The following DMD variants were observed in gnomAD, a reference collection of about 807,000 sequenced individuals.
DMD encodes the protein dystrophin.
DMD carries 63 observed loss-of-function variants against 330.1 expected under a neutral mutation model. That is an observed-to-expected ratio of 0.19 (90% confidence interval 0.16 to 0.24). The LOEUF is 0.24. Among genes scored for constraint, DMD ranks in the 10% least tolerant of loss-of-function variants. The pLI is 1.00. For synonymous variants in DMD, 1,223 were observed against 959.8 expected (o/e 1.27, Z -5.07); for missense variants, 3,344 against 2,684.1 (o/e 1.25, Z -5.43).
chrX:32,431,645 T>C (rs1015880367), intron 29 of DMD, among the ~76,000 whole-genome samples: 9 of 111,786 alleles, frequency 8.1e-5, no homozygotes, highest in African/African-American at 2.9e-4. Flanking sequence ...ATATGATATA[T>C]TCATTTTCTA....
chrX:32,870,958 CAAAAAAAAAAA>C (rs745583714), intron 2 of DMD, among the ~76,000 whole-genome samples: 2 of 14,768 alleles, frequency 1.4e-4, no homozygotes, highest in African/African-American at 2.5e-4. Context: ...TTCTGTACAG[CAAAAAAAAAAA>C]AAAAAAAAAA....
chrX:31,836,259 C>T (rs2093194879), intron 49 of DMD, among the ~76,000 whole-genome samples: 1 of 112,040 alleles, frequency 8.9e-6, no homozygotes, highest in African/African-American at 3.2e-5. Flanking sequence ...AGCCTCAATG[C>T]CGATTTTACT....
intron 16 of DMD, among the ~76,000 whole-genome samples, chrX:32,559,962 A>G (rs1330956697): frequency 3.6e-5 from 4 of 111,348 alleles, no homozygotes; most frequent in Admixed American, 9.6e-5. Flanking sequence ...ATGAACTGCC[A>G]TGTACAAGAA....
intron 42 of DMD, among the ~76,000 whole-genome samples, chrX:32,305,045 T>C (rs2097535491): frequency 9.0e-6 from 1 of 111,666 alleles, no homozygotes; most frequent in African/African-American, 3.2e-5. Flanking sequence ...AATATGCATA[T>C]AAACAATGTA....
chrX:31,859,337 A>AT (rs1490317918), intron 48 of DMD, among the ~76,000 whole-genome samples: 2 of 111,944 alleles, frequency 1.8e-5, no homozygotes, highest in Admixed American at 9.5e-5. Context: ...TGAGATGATA[A>AT]TTTTTTCTCA....
intron 1 of DMD, among the ~76,000 whole-genome samples, chrX:33,243,261 G>A (rs2052616096): frequency 8.9e-6 from 1 of 111,822 alleles, no homozygotes. Flanking sequence ...CAGATAGATT[G>A]CTATGGGAAT....
intron 2 of DMD, among the ~76,000 whole-genome samples, chrX:32,931,398 T>C (rs1473966219): frequency 9.0e-6 from 1 of 111,605 alleles, no homozygotes; most frequent in Non-Finnish European, 1.9e-5. Context: ...GCATAAGTAA[T>C]GTATGCCCAT....
At chrX:31,121,951 AAGAC>A (rs781341977) in intron 78 of DMD, 21 bp from the exon 79 acceptor site, 7 of 1,115,314 alleles carry the variant, frequency 6.3e-6, no homozygotes, top group Admixed American at 2.2e-5. Context: ...AAGAGAAAGA[AAGAC>A]AGACTTTACA....
chrX:31,870,399 G>T (rs771896818), intron 48 of DMD, among the ~76,000 whole-genome samples: 314 of 111,746 alleles, frequency 2.8e-3, no homozygotes, highest in Middle Eastern at 4.6e-3. Flanking sequence ...CTAGTCTTCT[G>T]TTGGGAGGAT....
intron 30 of DMD, among the ~76,000 whole-genome samples, chrX:32,407,576 G>C (rs1271818446): frequency 9.0e-6 from 1 of 110,614 alleles, no homozygotes; most frequent in Non-Finnish European, 1.9e-5. Context: ...GATTCCTCAG[G>C]GATCTAGAAC....
chrX:32,391,542 T>C (rs1450742749), intron 30 of DMD, among the ~76,000 whole-genome samples: 1 of 112,152 alleles, frequency 8.9e-6, no homozygotes, highest in East Asian at 2.8e-4. Flanking sequence ...ATTACCTAAA[T>C]AGTTAGAATT....
chrX:33,089,365 T>C (rs952783617), intron 1 of DMD, among the ~76,000 whole-genome samples: 1 of 111,039 alleles, frequency 9.0e-6, no homozygotes, highest in African/African-American at 3.3e-5. Context: ...TGCGGCCCTG[T>C]TGCTTCTCCA....
At chrX:31,554,927 G>A (rs1270703626) in intron 55 of DMD, among the ~76,000 whole-genome samples, 1 of 112,096 alleles carries the variant, frequency 8.9e-6, no homozygotes, top group East Asian at 2.8e-4. Flanking sequence ...ATCTATTTAT[G>A]AGGTGCTGTC....
chrX:32,831,246 T>G (rs1477830322), intron 4 of DMD, among the ~76,000 whole-genome samples: 1 of 110,726 alleles, frequency 9.0e-6, no homozygotes, highest in Admixed American at 9.7e-5. Flanking sequence ...TGGATGTAAT[T>G]TCTACCATCG....
rs188521409 is a variant in DMD, at chrX:32,361,359, T to C, written c.5325+1429A>G. On this transcript the variant is annotated intron_variant, in intron 37 of 78. Transcript: ENST00000357033. ...ATAATGACTGACTCAAATATATATA[T>C]TTGTGACAGTTAACTACTAAGTTCT... Among the ~76,000 whole-genome samples, 628 of 111,506 alleles carry C rather than the reference T, an allele frequency of 5.6e-3. 3 individuals are homozygous for C. Among genetic ancestry groups the C allele is most frequent in the South Asian group, 0.024 (64 of 2,645 alleles).
chrX:32,914,210 A>G (rs1175763790), intron 2 of DMD, among the ~76,000 whole-genome samples: 4 of 112,252 alleles, frequency 3.6e-5, no homozygotes, highest in Non-Finnish European at 3.8e-5. Context: ...TTCACTGAGC[A>G]AAGTCAGACT....
intron 30 of DMD, among the ~76,000 whole-genome samples, chrX:32,410,626 T>A (rs997628169): frequency 2.7e-5 from 3 of 111,890 alleles, no homozygotes; most frequent in Non-Finnish European, 5.6e-5. Context: ...CTAGTGCTCC[T>A]CTCATCATAG....
At chrX:32,177,754 T>TTAA (rs1216818888) in intron 44 of DMD, among the ~76,000 whole-genome samples, 2 of 111,168 alleles carry the variant, frequency 1.8e-5, no homozygotes, top group African/African-American at 3.3e-5. Flanking sequence ...CTAGTTATAA[T>TTAA]TAATAATAAT....
intron 7 of DMD, among the ~76,000 whole-genome samples, chrX:32,796,700 T>A (rs1603426954): frequency 8.9e-6 from 1 of 111,860 alleles, no homozygotes; most frequent in African/African-American, 3.3e-5. Context: ...TTTAACAAAA[T>A]ATCACATGTA....
Sources: allele counts gnomAD v4.1 joint callset (sites outside exome capture counted in the v4.1 genomes callset), GRCh38; gene constraint gnomAD v4.1.1; transcripts MANE v1.5; gene names NCBI Gene and HGNC (gene_info 2026-07-23, HGNC 2026-07-21).